Variants in ELP4 observed in about 807,000 individuals in gnomAD.
The protein encoded by ELP4 is elongator acetyltransferase complex subunit 4.
Under a neutral mutation model 48.9 loss-of-function variants are expected in ELP4, and 51 were observed. The ratio of observed to expected loss-of-function variants is 1.04; its 90% confidence interval spans 0.83 to 1.32. The LOEUF (loss-of-function observed/expected upper bound fraction) is 1.32. ELP4 is among the 40% of genes most tolerant of loss of function. The pLI is 0.00. For missense variants in ELP4, 519 were observed against 514.6 expected, an observed-to-expected ratio of 1.01 and a Z score of -0.08; for synonymous variants, 210 against 189.2, an observed-to-expected ratio of 1.11 and a Z score of -0.90.
intron 2 of ELP4, among the ~76,000 whole-genome samples, chr11:31,532,038 A>T (rs1403365227): frequency 6.6e-6 from 1 of 152,202 alleles, no homozygotes; most frequent in East Asian, 1.9e-4. Flanking sequence ...TGACCACTTA[A>T]CTACGCACAA....
At chr11:31,599,535 C>A (rs1456362597) in intron 4 of ELP4, 1 of 132,336 alleles carries the variant, frequency 7.6e-6, no homozygotes, top group African/African-American at 2.9e-5. Context: ...AAAAAAAAAA[C>A]CTGGCTGTAT....
chr11:31,738,382 A>G (rs542373472), intron 9 of ELP4, among the ~76,000 whole-genome samples: 56 of 152,086 alleles, frequency 3.7e-4, no homozygotes, highest in African/African-American at 1.2e-3. Context: ...ACTGTACGCC[A>G]GCCTGGGGAA....
intron 3 of ELP4, among the ~76,000 whole-genome samples, chr11:31,592,175 C>G (rs1340688619): frequency 6.6e-6 from 1 of 152,110 alleles, no homozygotes; most frequent in Non-Finnish European, 1.5e-5. Context: ...TTACACAACT[C>G]TGAATTATTA....
chr11:31,652,647 C>T (rs1177268713), intron 9 of ELP4: 1 of 151,678 alleles, frequency 6.6e-6, no homozygotes, highest in East Asian at 1.9e-4. Flanking sequence ...CCTGTAAAGT[C>T]TGAGACTAAA....
chr11:31,623,390 T>TATATATATATATATAA (rs67986763), intron 5 of ELP4, among the ~76,000 whole-genome samples: 1,241 of 92,420 alleles, frequency 0.013, 63 homozygotes, highest in East Asian at 0.024. Context: ...TATATATATA[T>TATATATATATATATAA]AAAACTAGAA....
At chr11:31,535,570 C>G (rs1215818895) in intron 2 of ELP4, among the ~76,000 whole-genome samples, 4 of 152,130 alleles carry the variant, frequency 2.6e-5, no homozygotes, top group Non-Finnish European at 5.9e-5. Flanking sequence ...GTCTCAAACT[C>G]CTCGCCTCAA....
intron 3 of ELP4, among the ~76,000 whole-genome samples, chr11:31,579,387 A>G (rs1056767863): frequency 1.6e-4 from 25 of 152,264 alleles, no homozygotes; most frequent in East Asian, 3.9e-4. Flanking sequence ...CGATTCCTCA[A>G]GGATCTAGAA....
intron 2 of ELP4, among the ~76,000 whole-genome samples, chr11:31,535,793 T>C (rs1054212627): frequency 3.3e-5 from 5 of 152,222 alleles, no homozygotes; most frequent in African/African-American, 1.2e-4. Context: ...TTTCTGTCAT[T>C]AGAGATTAAT....
intron 9 of ELP4, among the ~76,000 whole-genome samples, chr11:31,734,475 A>T (rs1183826265): frequency 1.3e-5 from 2 of 152,242 alleles, no homozygotes; most frequent in Admixed American, 1.3e-4. Flanking sequence ...GATTCCATTT[A>T]AAAAACTGCT....
intron 8 of ELP4, 102 bp downstream of exon 8, chr11:31,647,951 T>G: frequency 1.5e-6 from 1 of 678,132 alleles, no homozygotes; most frequent in East Asian, 2.7e-5. Context: ...GGAGTATGAA[T>G]TTTATAATAC....
intron 3 of ELP4, among the ~76,000 whole-genome samples, chr11:31,560,823 G>T (rs1957013770): frequency 6.7e-6 from 1 of 149,902 alleles, no homozygotes. Flanking sequence ...GTCCTATAAG[G>T]TTCTAATACT....
rs758762353 is a variant in ELP4, at chr11:31,647,693, C to T, written c.928-48C>T. The T allele has an allele frequency of 3.6e-6, 4 of 1,097,226 alleles. No individual in the cohort carries two copies. In the South Asian group the frequency reaches 5.0e-5, roughly 14 times the overall value. The allele number at this position is 1,097,226 out of a possible 1,614,324, so 68.0% of individuals were successfully genotyped here. A position where few individuals can be genotyped will look rare whatever the true frequency, so the allele number is the denominator to read the frequency against. The stretch of plus-strand genomic sequence containing the variant: ...ATAGGGATATTTTATAGATATTATA[C>T]TATTAACATAATATTTAACGTTACT... On this transcript the variant is annotated intron_variant, in intron 7 of 9. Transcript: ENST00000640961.
chr11:31,534,519 C>T (rs929250150), intron 2 of ELP4, among the ~76,000 whole-genome samples: 3 of 152,018 alleles, frequency 2.0e-5, no homozygotes, highest in African/African-American at 7.3e-5. Context: ...ATGTATGGTT[C>T]ATAAGTTTTC....
chr11:31,622,315 T>C (rs1263986866), intron 5 of ELP4, among the ~76,000 whole-genome samples: 1 of 151,798 alleles, frequency 6.6e-6, no homozygotes, highest in Non-Finnish European at 1.5e-5. Context: ...TATATTGTTC[T>C]TTACTCATAT....
chr11:31,694,131 T>C (rs1280499293), intron 9 of ELP4, among the ~76,000 whole-genome samples: 2 of 152,210 alleles, frequency 1.3e-5, no homozygotes, highest in African/African-American at 4.8e-5. Context: ...ACTCTGATGG[T>C]AGTTTCTTTT....
At chr11:31,694,922 G>A (rs886979957) in intron 9 of ELP4, among the ~76,000 whole-genome samples, 9 of 152,078 alleles carry the variant, frequency 5.9e-5, no homozygotes, top group Middle Eastern at 3.4e-3. Flanking sequence ...CTTTGAAGCA[G>A]TTGTGAATGG....
chr11:31,539,880 CTA>C, intron 3 of ELP4, 97 bp downstream of exon 3: 1 of 1,025,872 alleles, frequency 9.7e-7, no homozygotes, highest in Non-Finnish European at 1.3e-6. Flanking sequence ...TATATACAAA[CTA>C]TATTTAAATG....
intron 9 of ELP4, among the ~76,000 whole-genome samples, chr11:31,753,825 A>T (rs930948826): frequency 6.6e-6 from 1 of 152,200 alleles, no homozygotes; most frequent in African/African-American, 2.4e-5. Context: ...ATGTATATAC[A>T]TATATCTAGT....
chr11:31,611,976 C>A (rs1957989037), intron 5 of ELP4, among the ~76,000 whole-genome samples: 2 of 152,010 alleles, frequency 1.3e-5, no homozygotes, highest in Admixed American at 1.3e-4. Context: ...GGCACTGGGC[C>A]AAGAAGTATT....
Sources: allele counts gnomAD v4.1 joint callset (sites outside exome capture counted in the v4.1 genomes callset), GRCh38; gene constraint gnomAD v4.1.1; transcripts MANE v1.5; gene names NCBI Gene and HGNC (gene_info 2026-07-23, HGNC 2026-07-21).